Variants in DGKB observed in about 807,000 individuals in gnomAD.
DGKB encodes the protein 90 kDa diacylglycerol kinase.
DGKB carries 67 observed loss-of-function variants against 114.3 expected under a neutral mutation model. The ratio of observed to expected loss-of-function variants is 0.59; its 90% confidence interval spans 0.48 to 0.72. The LOEUF is 0.72. Among genes scored for constraint, DGKB ranks in the 30% least tolerant of loss-of-function variants. DGKB has a pLI of 0.00. For missense variants in DGKB, 907 were observed against 975.2 expected, an observed-to-expected ratio of 0.93 and a Z score of 0.93; for synonymous variants, 398 against 323.1, an observed-to-expected ratio of 1.23 and a Z score of -2.49.
intron 17 of DGKB, among the ~76,000 whole-genome samples, chr7:14,597,693 T>C (rs1802825587): frequency 6.6e-6 from 1 of 152,086 alleles, no homozygotes; most frequent in Non-Finnish European, 1.5e-5. Flanking sequence ...TGAAGGACTG[T>C]TGTCCAGAGA....
At chr7:14,382,077 T>C (rs967015763) in intron 21 of DGKB, among the ~76,000 whole-genome samples, 8 of 144,370 alleles carry the variant, frequency 5.5e-5, no homozygotes, top group African/African-American at 2.0e-4. Context: ...ATCAATTAAG[T>C]CTAAACTGCA....
At position 14,804,307 on chromosome 7, in the gene DGKB, G is replaced by GT. The variant is rs538355500; in HGVS notation, c.70+36886dup. The stretch of plus-strand genomic sequence containing the variant: ...TATCTTTAAAAAACATAGGTAACAT[G>GT]TTTTTTTTCTCTAGTCGGTTTTAAG... On this transcript the variant is annotated intron_variant, in intron 2 of 25. Transcript: ENST00000402815. Among the ~76,000 whole-genome samples, 5 of 151,308 alleles carry GT rather than the reference G, an allele frequency of 3.3e-5. No homozygotes were observed. In the East Asian group the frequency reaches 7.8e-4, roughly 23 times the overall value.
intron 23 of DGKB, among the ~76,000 whole-genome samples, chr7:14,328,121 T>A (rs1489709177): frequency 6.6e-6 from 1 of 152,122 alleles, no homozygotes; most frequent in Non-Finnish European, 1.5e-5. Flanking sequence ...CTCTTACTAT[T>A]CTTCTAACAG....
At chr7:14,466,828 T>C (rs117209944) in intron 21 of DGKB, among the ~76,000 whole-genome samples, 3 of 152,020 alleles carry the variant, frequency 2.0e-5, no homozygotes, top group Non-Finnish European at 4.4e-5. Flanking sequence ...AATAAATAAA[T>C]AGCAACATTA....
intron 15 of DGKB, among the ~76,000 whole-genome samples, chr7:14,617,117 T>C (rs1806687863): frequency 1.3e-5 from 2 of 151,838 alleles, no homozygotes; most frequent in South Asian, 4.1e-4. Context: ...CCTTTAATGA[T>C]CTCATCTTAT....
intron 1 of DGKB, among the ~76,000 whole-genome samples, chr7:14,849,993 C>G (rs982531451): frequency 6.6e-6 from 1 of 152,158 alleles, no homozygotes; most frequent in Non-Finnish European, 1.5e-5. Context: ...AAGCCTCCCC[C>G]ACTTTATCCT....
chr7:14,179,460 A>T (rs974113422), intron 23 of DGKB, among the ~76,000 whole-genome samples: 1 of 152,222 alleles, frequency 6.6e-6, no homozygotes, highest in Non-Finnish European at 1.5e-5. Context: ...TGATTATTAT[A>T]CAAGAAAGCC....
At chr7:14,217,678 A>C (rs561361226) in intron 23 of DGKB, among the ~76,000 whole-genome samples, 1 of 152,228 alleles carries the variant, frequency 6.6e-6, no homozygotes, top group East Asian at 1.9e-4. Context: ...AGTGAAAAAA[A>C]AAATCATACG....
At chr7:14,852,639 G>T (rs1300957708) in intron 1 of DGKB, among the ~76,000 whole-genome samples, 1 of 151,844 alleles carries the variant, frequency 6.6e-6, no homozygotes, top group East Asian at 1.9e-4. Context: ...ACAAATATGA[G>T]CCCAAACGAA....
chr7:14,831,255 T>C (rs924326713), intron 2 of DGKB, among the ~76,000 whole-genome samples: 11 of 152,110 alleles, frequency 7.2e-5, no homozygotes, highest in African/African-American at 2.6e-4. Context: ...TGGGGAAATA[T>C]GTATTTTGAT....
intron 23 of DGKB, among the ~76,000 whole-genome samples, chr7:14,293,189 A>C (rs888752509): frequency 6.6e-6 from 1 of 152,198 alleles, no homozygotes; most frequent in East Asian, 1.9e-4. Flanking sequence ...TCAATTATTG[A>C]ATAATTTGGG....
chr7:14,265,340 C>CTTTTTTTTTTTTTTTTTTTTTTTTTT (rs1797347763), intron 23 of DGKB, among the ~76,000 whole-genome samples: 1 of 21,276 alleles, frequency 4.7e-5, no homozygotes, highest in Non-Finnish European at 8.1e-5. Flanking sequence ...TTTTTTTTTG[C>CTTTTTTTTTTTTTTTTTTTTTTTTTT]TTAGTAGTCT....
At chr7:14,844,856 C>A (rs1474953866) in intron 1 of DGKB, among the ~76,000 whole-genome samples, 1 of 152,024 alleles carries the variant, frequency 6.6e-6, no homozygotes, top group South Asian at 2.1e-4. Flanking sequence ...CCTGTAATCC[C>A]AGCACTTTGG....
intron 23 of DGKB, among the ~76,000 whole-genome samples, chr7:14,210,684 T>C (rs1787616293): frequency 6.6e-6 from 1 of 152,078 alleles, no homozygotes; most frequent in Non-Finnish European, 1.5e-5. Context: ...ACAAAGATTA[T>C]GTCCCTCTCT....
intron 5 of DGKB, among the ~76,000 whole-genome samples, chr7:14,727,684 C>T (rs1375519283): frequency 6.6e-6 from 1 of 152,122 alleles, no homozygotes; most frequent in Non-Finnish European, 1.5e-5. Context: ...CTCATAGTCA[C>T]ACAAGCTATG....
intron 15 of DGKB, among the ~76,000 whole-genome samples, chr7:14,613,808 G>C (rs1806029896): frequency 6.6e-6 from 1 of 152,070 alleles, no homozygotes; most frequent in South Asian, 2.1e-4. Context: ...AACTTATAGA[G>C]AGGCCTCCTT....
intron 23 of DGKB, among the ~76,000 whole-genome samples, chr7:14,297,716 A>G (rs573398234): frequency 1.2e-4 from 19 of 152,298 alleles, no homozygotes; most frequent in African/African-American, 4.3e-4. Context: ...GCAATCAGGC[A>G]AGAGGAAGAA....
intron 6 of DGKB, among the ~76,000 whole-genome samples, chr7:14,706,383 C>T (rs1211752041): frequency 6.9e-6 from 1 of 145,970 alleles, no homozygotes; most frequent in Non-Finnish European, 1.5e-5. Context: ...TTTAACACCC[C>T]ACTGTCAACA....
intron 21 of DGKB, among the ~76,000 whole-genome samples, chr7:14,356,887 G>T (rs1814654228): frequency 6.6e-6 from 1 of 152,166 alleles, no homozygotes; most frequent in Admixed American, 6.5e-5. Context: ...AGGTTGTTCA[G>T]TTTCCCTGTA....
Sources: gnomAD v4.1 joint callset for allele counts (sites outside exome capture counted in the v4.1 genomes callset) on GRCh38, gnomAD v4.1.1 for gene constraint, MANE v1.5 for transcripts, NCBI Gene and HGNC (gene_info 2026-07-23, HGNC 2026-07-21) for gene names.